Variants in WDR37 observed in about 807,000 individuals in gnomAD.
The protein encoded by WDR37 is WD repeat domain 37.
WDR37 carries 19 observed loss-of-function variants against 62.9 expected under a neutral mutation model. That is an observed-to-expected ratio of 0.30 (90% CI 0.21 to 0.44). The LOEUF (loss-of-function observed/expected upper bound fraction) is 0.44. WDR37 is among the 20% of genes least tolerant of loss of function. The pLI is 1.00. For synonymous variants in WDR37, 250 were observed against 260.9 expected (o/e 0.96, Z 0.40); for missense variants, 474 against 657.6 (o/e 0.72, Z 3.05).
intron 7 of WDR37, among the ~76,000 whole-genome samples, chr10:1,092,699 TA>T (rs1206185185): frequency 6.6e-6 from 1 of 151,434 alleles, no homozygotes; most frequent in Non-Finnish European, 1.5e-5. Context: ...CTGTCTCTAC[TA>T]AAAATACAAA....
chr10:1,096,271 A>G (rs781223271), intron 9 of WDR37, 25 bp downstream of exon 9: 26 of 1,608,120 alleles, frequency 1.6e-5, no homozygotes, highest in Non-Finnish European at 2.1e-5. Flanking sequence ...TTACCTGTGA[A>G]TGTGTAGGAT....
chr10:1,079,745 T>G (rs905691102), intron 3 of WDR37, among the ~76,000 whole-genome samples: 2 of 152,104 alleles, frequency 1.3e-5, no homozygotes, highest in Non-Finnish European at 2.9e-5. Context: ...CAGGCTGGTC[T>G]CAAACTCCTG....
chr10:1,125,866 G>C (rs1376900325), intron 13 of WDR37, among the ~76,000 whole-genome samples: 1 of 152,218 alleles, frequency 6.6e-6, no homozygotes, highest in Non-Finnish European at 1.5e-5. Context: ...TTCAGAAGAC[G>C]GCGGAGGGAG....
intron 1 of WDR37, among the ~76,000 whole-genome samples, chr10:1,071,166 C>A (rs116710770): frequency 0.041 from 6,199 of 152,214 alleles, 419 homozygotes; most frequent in African/African-American, 0.14. Context: ...GGGACTTGGG[C>A]CAGTCTTTTC....
intron 11 of WDR37, among the ~76,000 whole-genome samples, chr10:1,108,600 A>C (rs1310426783): frequency 6.6e-6 from 1 of 152,198 alleles, no homozygotes; most frequent in Admixed American, 6.5e-5. Context: ...TGAGTCCTGC[A>C]GAAGGGGATC....
chr10:1,076,190 A>T (rs1435933333), intron 2 of WDR37, among the ~76,000 whole-genome samples: 1 of 151,874 alleles, frequency 6.6e-6, no homozygotes, highest in Non-Finnish European at 1.5e-5. Context: ...CTATAGTACC[A>T]ATTCAGTAGA....
intron 11 of WDR37, among the ~76,000 whole-genome samples, chr10:1,116,319 AC>A (rs1835397383): frequency 6.9e-6 from 1 of 144,818 alleles, no homozygotes; most frequent in Non-Finnish European, 1.5e-5. Context: ...CCCGTCACCC[AC>A]CCCTCCCCGG....
chr10:1,125,637 G>A (rs1483189848), intron 13 of WDR37, among the ~76,000 whole-genome samples: 1 of 152,178 alleles, frequency 6.6e-6, no homozygotes, highest in Non-Finnish European at 1.5e-5. Context: ...CTGTGGGGAA[G>A]CCGTCTTAGA....
chr10:1,086,354 T>C lies in WDR37; in HGVS notation c.601T>C (p.Ser201Pro). The stretch of plus-strand genomic sequence containing the variant: ...AGTCAAGTACGCAGGCCACGTGGGC[T>C]CAGGTAAGCACTGCCTAAGGAGTGC... The part of the protein sequence containing the change: ...CLVKYAGHVG[S>P]VNSIKFHPSE... The change falls in exon 7 of 14, where the codon TCA becomes CCA. Residue 201 changes from serine to proline, a missense_variant. By Grantham distance (74) the Ser-to-Pro change is moderately conservative. Transcript: ENST00000263150. 1 of 1,614,022 alleles carries C rather than the reference T, an allele frequency of 6.2e-7. No homozygotes were observed. Among genetic ancestry groups the C allele is most frequent in the Non-Finnish European group, 8.5e-7 (1 of 1,179,866 alleles).
intron 9 of WDR37, among the ~76,000 whole-genome samples, chr10:1,098,292 G>A (rs1834662934): frequency 6.7e-6 from 1 of 150,324 alleles, no homozygotes; most frequent in Non-Finnish European, 1.5e-5. Context: ...CCTTGTGTGT[G>A]CACGCTCTCT....
chr10:1,078,596 T>C (rs537406103), intron 3 of WDR37, among the ~76,000 whole-genome samples: 2 of 152,348 alleles, frequency 1.3e-5, no homozygotes, highest in South Asian at 4.1e-4. Context: ...CTATCCGCTT[T>C]AGTGTTAATG....
At chr10:1,059,853 T>A (rs1190221355) in intron 1 of WDR37, among the ~76,000 whole-genome samples, 2 of 152,180 alleles carry the variant, frequency 1.3e-5, no homozygotes, top group East Asian at 3.8e-4. Context: ...AAGTGTTCAT[T>A]GATGCTGTTT....
rs550255818 is a variant in WDR37 at position 1,103,383 on chromosome 10, C to T, written c.727-219C>T. Among the ~76,000 whole-genome samples the T allele has an allele frequency of 3.3e-5, 5 of 151,918 alleles. No homozygotes were observed. The highest frequency in any genetic ancestry group is 9.7e-5 in the African/African-American group (4 of 41,442). On this transcript the variant is annotated intron_variant, in intron 9 of 13. Transcript: ENST00000263150. This position sits in a 1 kb window ranked among gnomAD's most constrained non-coding sequence, Gnocchi z 6.3. ...TGTGGATTCCACTTTTTTTTCTGTA[C>T]GAGATGGTCGTAGAGTTGATGGGTG...
In WDR37 at chr10:1,105,114, T is replaced by TC. The variant is rs773421672; in HGVS notation, c.962-11dup. 3.1e-6 allele frequency: 5 copies of TC among 1,613,602 alleles called. 1 individual carries two copies. In the South Asian group the frequency reaches 5.5e-5, roughly 18 times the overall value. Reference sequence around the variant, plus strand: ...CAGGTGATGACCTTGTGTTTTGCCATCTTGGTTACAGGGCACGACCAGGAG... The same window carrying TC: ...CAGGTGATGACCTTGTGTTTTGCCATCCTTGGTTACAGGGCACGACCAGGAG... On this transcript the variant is annotated splice_polypyrimidine_tract_variant and intron_variant, in intron 10 of 13. Coordinates refer to ENST00000263150, the MANE Select transcript of WDR37 (RefSeq NM_014023.4). The surrounding 1 kb of genome is among the most constrained non-coding windows in gnomAD (Gnocchi z 5.3).
chr10:1,118,715 C>CAACA (rs1835479961), intron 11 of WDR37, among the ~76,000 whole-genome samples: 2 of 152,118 alleles, frequency 1.3e-5, no homozygotes, highest in African/African-American at 2.4e-5. Context: ...CCTCAAGAAC[C>CAACA]AACACTTTGT....
intron 11 of WDR37, among the ~76,000 whole-genome samples, chr10:1,108,448 G>A: frequency 6.6e-6 from 1 of 152,152 alleles, no homozygotes; most frequent in Admixed American, 6.5e-5. Context: ...GTGTGCTGAA[G>A]CGCTCCTGCA....
At chr10:1,060,716 C>T (rs189727408) in intron 1 of WDR37, among the ~76,000 whole-genome samples, 7 of 152,308 alleles carry the variant, frequency 4.6e-5, no homozygotes, top group Middle Eastern at 3.4e-3. Flanking sequence ...TAAATACAAT[C>T]GGGTGCCACA....
chr10:1,087,433 T>C (rs1834239421), intron 7 of WDR37, among the ~76,000 whole-genome samples: 1 of 152,204 alleles, frequency 6.6e-6, no homozygotes, highest in South Asian at 2.1e-4. Flanking sequence ...AAATTAAATA[T>C]ATGTGCATAG....
Position 1,095,107 on chromosome 10 carries a change from G to A in WDR37, c.650-1063G>A, listed in dbSNP as rs192188225. On this transcript the variant is annotated intron_variant, in intron 8 of 13. Coordinates refer to ENST00000263150, the MANE Select transcript of WDR37 (RefSeq NM_014023.4). The stretch of plus-strand genomic sequence containing the variant: ...AGAGAGGAGGGTTAGACTTGGAAAC[G>A]TGAGGTAATGGGCATGGAGAGAGGA... Among the ~76,000 whole-genome samples the A allele has an allele frequency of 4.8e-5, 7 of 144,704 alleles. No homozygotes were observed. The East Asian group carries it at 1.3e-3, about 27-fold the overall frequency. The allele number at this position is 144,704 out of a possible 152,430, so 94.9% of individuals were successfully genotyped here. A position where few individuals can be genotyped will look rare whatever the true frequency, so the allele number is the denominator to read the frequency against.
Sources: gnomAD v4.1 joint callset for allele counts (sites outside exome capture counted in the v4.1 genomes callset) on GRCh38, gnomAD v4.1.1 for gene constraint, Gnocchi (gnomAD v3.1) non-coding constraint, MANE v1.5 for transcripts, NCBI Gene and HGNC (gene_info 2026-07-23, HGNC 2026-07-21) for gene names.